AGBL1: variants seen among roughly 807,000 people sequenced by gnomAD.
AGBL1 encodes the protein AGBL carboxypeptidase 1.
A neutral mutation model predicts 118.9 loss-of-function variants in AGBL1; 130 were observed. The ratio of observed to expected loss-of-function variants is 1.09; its 90% CI spans 0.95 to 1.26. The LOEUF (loss-of-function observed/expected upper bound fraction) is 1.26, where lower values mean the gene tolerates loss of function less well. Ranked by LOEUF, AGBL1 falls within the 50% of genes most tolerant of loss-of-function variation. The pLI, the probability that AGBL1 is intolerant of heterozygous loss-of-function variation, is 0.00. For missense variants in AGBL1, 1,584 were observed against 1,298.1 expected (o/e 1.22, Z -3.38); for synonymous variants, 555 against 478.9 (o/e 1.16, Z -2.08).
At chr15:86,741,953 TATTA>T (rs1229349516) in intron 22 of AGBL1, among the ~76,000 whole-genome samples, 10 of 151,698 alleles carry the variant, frequency 6.6e-5, no homozygotes, top group South Asian at 4.2e-4. Flanking sequence ...TCTAGGTCCA[TATTA>T]ATTCTCTTTA....
intron 18 of AGBL1, among the ~76,000 whole-genome samples, chr15:86,491,967 T>A (rs2082786074): frequency 6.6e-6 from 1 of 152,048 alleles, no homozygotes. Context: ...ATACTACACA[T>A]TCATGATTTA....
chr15:87,009,990 G>A (rs534306603), intron 24 of AGBL1, among the ~76,000 whole-genome samples: 6 of 152,158 alleles, frequency 3.9e-5, no homozygotes, highest in Non-Finnish European at 5.9e-5. Context: ...TGGGACTGTG[G>A]ACTATTGAGT....
chr15:86,144,845 A>T (rs1035264541), intron 3 of AGBL1, among the ~76,000 whole-genome samples: 1 of 152,192 alleles, frequency 6.6e-6, no homozygotes, highest in South Asian at 2.1e-4. Flanking sequence ...TCTATAATAT[A>T]AGTGTCCTAG....
At chr15:86,506,803 T>C (rs1213384970) in intron 18 of AGBL1, among the ~76,000 whole-genome samples, 2 of 152,070 alleles carry the variant, frequency 1.3e-5, no homozygotes, top group Non-Finnish European at 2.9e-5. Context: ...AATAAATAAA[T>C]GTGTACATTT....
intron 14 of AGBL1, among the ~76,000 whole-genome samples, chr15:86,270,692 G>T (rs2079146170): frequency 6.6e-6 from 1 of 152,186 alleles, no homozygotes; most frequent in Admixed American, 6.5e-5. Context: ...ATTTTGTAGT[G>T]ACTAAACAGA....
At chr15:86,925,186 G>A (rs375768035) in intron 23 of AGBL1, among the ~76,000 whole-genome samples, 76,422 of 138,202 alleles carry the variant, frequency 0.55, 23,248 homozygotes, top group East Asian at 0.68. Context: ...AGAGGAAGAG[G>A]AAGAAAAGAA....
chr15:86,310,805 A>G (rs2079909252), intron 17 of AGBL1, among the ~76,000 whole-genome samples: 2 of 152,208 alleles, frequency 1.3e-5, no homozygotes, highest in Non-Finnish European at 2.9e-5. Flanking sequence ...TGGGATGACC[A>G]TATTCTCTAC....
intron 3 of AGBL1, among the ~76,000 whole-genome samples, chr15:86,153,508 G>T (rs969757567): frequency 1.3e-5 from 2 of 151,748 alleles, no homozygotes; most frequent in African/African-American, 4.8e-5. Flanking sequence ...GGGGCCTGTC[G>T]TGGGGTGGGG....
chr15:86,434,316 C>T (rs1306743762), intron 18 of AGBL1, among the ~76,000 whole-genome samples: 1 of 152,194 alleles, frequency 6.6e-6, no homozygotes, highest in African/African-American at 2.4e-5. Context: ...ACTTGCTTTA[C>T]ACTGAATTCA....
chr15:86,119,232 A>G (rs1052669398), intron 1 of AGBL1, among the ~76,000 whole-genome samples: 1 of 152,244 alleles, frequency 6.6e-6, no homozygotes, highest in Non-Finnish European at 1.5e-5. Flanking sequence ...AATTTATCAC[A>G]GAGATGCAAA....
chr15:86,886,300 G>A (rs2079970165), intron 22 of AGBL1, among the ~76,000 whole-genome samples: 1 of 152,210 alleles, frequency 6.6e-6, no homozygotes, highest in Non-Finnish European at 1.5e-5. Context: ...TGAAGTTATA[G>A]CAAGTTATTT....
intron 18 of AGBL1, among the ~76,000 whole-genome samples, chr15:86,412,751 C>T (rs1231928572): frequency 6.6e-6 from 1 of 152,178 alleles, no homozygotes; most frequent in African/African-American, 2.4e-5. Context: ...TACTACAACA[C>T]TTCTTCCCTA....
chr15:86,647,424 G>A (rs769839578), intron 21 of AGBL1, among the ~76,000 whole-genome samples: 11 of 152,296 alleles, frequency 7.2e-5, no homozygotes, highest in Admixed American at 2.0e-4. Context: ...TATCTGGCTG[G>A]GCGCAGCGCC....
At chr15:86,789,431 T>A (rs2078460422) in intron 22 of AGBL1, among the ~76,000 whole-genome samples, 2 of 152,238 alleles carry the variant, frequency 1.3e-5, no homozygotes, top group Non-Finnish European at 2.9e-5. Flanking sequence ...CCAGGTTGTT[T>A]AAATTTTTCT....
intron 17 of AGBL1, among the ~76,000 whole-genome samples, chr15:86,354,460 C>A (rs1030967335): frequency 6.6e-6 from 1 of 152,112 alleles, no homozygotes; most frequent in Admixed American, 6.6e-5. Flanking sequence ...AGAAAAGGAC[C>A]AGGGATTGAA....
chr15:86,590,351 T>A (rs2084317079), intron 21 of AGBL1, among the ~76,000 whole-genome samples: 1 of 152,162 alleles, frequency 6.6e-6, no homozygotes. Context: ...GCTGTTTTCA[T>A]GAGAGTGAGT....
chr15:86,360,696 G>T (rs1016692895), intron 17 of AGBL1, among the ~76,000 whole-genome samples: 1 of 151,804 alleles, frequency 6.6e-6, no homozygotes, highest in Non-Finnish European at 1.5e-5. Flanking sequence ...GAGGTTTTTG[G>T]TTACTGATTC....
intron 3 of AGBL1, among the ~76,000 whole-genome samples, chr15:86,154,151 T>C (rs185507073): frequency 1.3e-5 from 2 of 152,296 alleles, no homozygotes; most frequent in African/African-American, 2.4e-5. Context: ...TTATTCCCAA[T>C]TGAACTGTGG....
At chr15:86,158,857 A>G (rs927078986) in intron 4 of AGBL1, 76 bp from the exon 5 acceptor site, 6 of 1,294,714 alleles carry the variant, frequency 4.6e-6, no homozygotes, top group Non-Finnish European at 6.7e-6. Context: ...AAAGATTTAA[A>G]GGAGTCAATC....
Sources: gnomAD v4.1 joint callset for allele counts (sites outside exome capture counted in the v4.1 genomes callset) on GRCh38, gnomAD v4.1.1 for gene constraint, MANE v1.5 for transcripts, NCBI Gene and HGNC (gene_info 2026-07-23, HGNC 2026-07-21) for gene names.